SYT13: variants seen among roughly 807,000 people sequenced by gnomAD.
SYT13 encodes the protein synaptotagmin-13.
Under a neutral mutation model 38.6 loss-of-function variants are expected in SYT13, and 21 were observed. That is an observed-to-expected ratio of 0.54 (90% CI 0.39 to 0.78). The LOEUF (loss-of-function observed/expected upper bound fraction) is 0.78. Among genes scored for constraint, SYT13 ranks in the 30% least tolerant of loss-of-function variants. The pLI is 0.00. For missense variants in SYT13, 495 were observed against 548.7 expected (o/e 0.90, Z 0.98); for synonymous variants, 241 against 237.6 (o/e 1.01, Z -0.13).
At position 45,243,420 on chromosome 11, in the gene SYT13, G is replaced by A. The variant is rs1854576122; in HGVS notation, c.*632C>T. 6.6e-6 allele frequency: 1 copy of A among 152,168 alleles called. No homozygotes were observed. The highest frequency in any genetic ancestry group is 1.5e-5 in the Non-Finnish European group (1 of 68,052). 9.4% of individuals were successfully genotyped at this position (152,168 alleles called of 1,614,324 possible). A position where few individuals can be genotyped will look rare whatever the true frequency, so the allele number is the denominator to read the frequency against. ...TGGCCAAAAACCTGTGTGGAATATT[G>A]TAGAAGGAATTTCTCCACATACAGT... On this transcript the variant is annotated 3_prime_UTR_variant, in exon 6 of 6. Coordinates refer to ENST00000020926, the MANE Select transcript of SYT13 (RefSeq NM_020826.3).
chr11:45,265,014 A>C (rs912425671), intron 1 of SYT13, among the ~76,000 whole-genome samples: 2 of 152,256 alleles, frequency 1.3e-5, no homozygotes, highest in African/African-American at 2.4e-5. Flanking sequence ...AAAGGAAAAC[A>C]TGAATCTGCA....
At chr11:45,270,599 C>CGGG (rs1242253868) in intron 1 of SYT13, among the ~76,000 whole-genome samples, 6 of 152,234 alleles carry the variant, frequency 3.9e-5, no homozygotes, top group Non-Finnish European at 8.8e-5. Flanking sequence ...TCAAGGTTAT[C>CGGG]CTTATAATAA....
chr11:45,269,653 C>G, intron 1 of SYT13: 1 of 352,324 alleles, frequency 2.8e-6, no homozygotes, highest in Non-Finnish European at 5.1e-6. Flanking sequence ...GAAACTGAGG[C>G]TCAGAGAGAT....
Position 45,245,588 on chromosome 11 carries a change from G to T in SYT13, c.976+795C>A, listed in dbSNP as rs1012805581. ...TTATTTGTACCCTGCTATAAATAGA[G>T]ACTTATTTATATCTTGCTAGGCGCA... is the stretch of plus-strand genomic sequence containing the variant. On this transcript the variant is annotated intron_variant, in intron 5 of 5. Transcript: ENST00000020926. Among the ~76,000 whole-genome samples the T allele has an allele frequency of 5.9e-5, 9 of 152,214 alleles. No individual in the cohort carries two copies. The East Asian group carries it at 1.7e-3, about 29-fold the overall frequency.
chr11:45,264,207 C>T (rs184850176), intron 1 of SYT13, among the ~76,000 whole-genome samples: 7 of 152,316 alleles, frequency 4.6e-5, no homozygotes, highest in Admixed American at 1.3e-4. Flanking sequence ...AGCATTCTCA[C>T]ATCAGAGCCA....
chr11:45,259,335 A>G (rs975498528), intron 1 of SYT13, among the ~76,000 whole-genome samples: 24 of 152,206 alleles, frequency 1.6e-4, no homozygotes, highest in African/African-American at 5.6e-4. Context: ...CAATCGTCTG[A>G]GAAAAGGGCT....
chr11:45,246,266 G>T, intron 5 of SYT13, 117 bp downstream of exon 5: 1 of 1,417,568 alleles, frequency 7.1e-7, no homozygotes, highest in Non-Finnish European at 9.5e-7. Flanking sequence ...CTCCGTAGAT[G>T]TGCTCATATT....
At position 45,244,058 on chromosome 11, in the gene SYT13, G is replaced by A. The variant is rs757924138; in HGVS notation, c.1275C>T (p.His425=). The stretch of plus-strand genomic sequence containing the variant: ...GAGGCAGCTGGGCAGCTGGTTACAG[G>A]TGCAGCTGGTGCCACATGGCAATCT... ...RRQIAMWHQL[H]L is the part of the protein sequence containing the mutation. Residue 425 remains histidine (H), a synonymous_variant, in exon 6 of 6, where the codon CAC becomes CAT. Coordinates refer to ENST00000020926, the MANE Select transcript of SYT13 (RefSeq NM_020826.3). 155 of 1,597,298 alleles carry A rather than the reference G, an allele frequency of 9.7e-5. No individual in the cohort carries two copies. The highest frequency in any genetic ancestry group is 1.3e-4 in the Non-Finnish European group (149 of 1,174,448).
intron 1 of SYT13, among the ~76,000 whole-genome samples, chr11:45,264,122 G>A (rs571206170): frequency 2.3e-4 from 35 of 152,284 alleles, no homozygotes; most frequent in African/African-American, 8.2e-4. Context: ...TTGAGTGTGA[G>A]CATTACAACA....
At chr11:45,248,683 G>A (rs1196579026) in intron 4 of SYT13, among the ~76,000 whole-genome samples, 3 of 152,202 alleles carry the variant, frequency 2.0e-5, no homozygotes, top group Non-Finnish European at 2.9e-5. Flanking sequence ...CCAGCCTCCT[G>A]GCTCATCACT....
intron 1 of SYT13, among the ~76,000 whole-genome samples, chr11:45,274,923 T>C (rs1854991897): frequency 6.6e-6 from 1 of 152,146 alleles, no homozygotes; most frequent in Non-Finnish European, 1.5e-5. Flanking sequence ...TAAAAAACTC[T>C]CTCTAACGTT....
At chr11:45,244,668 C>G (rs768453241) in intron 5 of SYT13, among the ~76,000 whole-genome samples, 1 of 152,128 alleles carries the variant, frequency 6.6e-6, no homozygotes, top group Non-Finnish European at 1.5e-5. Context: ...GGATTATTCT[C>G]CACTCCCCCA....
At chr11:45,273,971 A>G (rs942833548) in intron 1 of SYT13, among the ~76,000 whole-genome samples, 7 of 152,214 alleles carry the variant, frequency 4.6e-5, no homozygotes, top group Admixed American at 1.3e-4. Context: ...CATCTCATTC[A>G]TTCTTCCATA....
At chr11:45,246,753 C>A (rs1384650860) in intron 4 of SYT13, among the ~76,000 whole-genome samples, 1 of 152,100 alleles carries the variant, frequency 6.6e-6, no homozygotes, top group African/African-American at 2.4e-5. Context: ...TTTTCATATA[C>A]CATATACTCA....
Position 45,252,545 on chromosome 11 carries a change from A to C in SYT13, c.722T>G (p.Leu241Arg). ...GAAGCGGTCGCAGGTCCTCAAGGTC[A>C]GCGTCAGGGTGGCTGTGGGGAGCTC... ...EEELPTATLT[L>R]TLRTCDRFSR... The change falls in exon 4 of 6, where the codon CTG becomes CGG. Residue 241 changes from leucine to arginine, a missense_variant. By Grantham distance (102) the Leu-to-Arg change is moderately radical (BLOSUM62 -2). Transcript: ENST00000020926. This position sits in a 1 kb window ranked among gnomAD's most constrained non-coding sequence, Gnocchi z 4.3. The C allele has an allele frequency of 6.2e-7, 1 of 1,614,102 alleles. No homozygotes were observed.
intron 1 of SYT13, among the ~76,000 whole-genome samples, chr11:45,281,901 G>A (rs1244260014): frequency 6.6e-6 from 1 of 152,196 alleles, no homozygotes; most frequent in Non-Finnish European, 1.5e-5. Context: ...CTGCCAAATG[G>A]TAGGGGTACA....
chr11:45,251,477 G>A (rs1343159854), intron 4 of SYT13, among the ~76,000 whole-genome samples: 2 of 151,704 alleles, frequency 1.3e-5, no homozygotes, highest in Non-Finnish European at 2.9e-5. Context: ...TCTGGAAAGG[G>A]GCTAATATAA....
At chr11:45,272,796 T>C (rs1159510965) in intron 1 of SYT13, among the ~76,000 whole-genome samples, 1 of 152,166 alleles carries the variant, frequency 6.6e-6, no homozygotes, top group African/African-American at 2.4e-5. Context: ...TGCAGGTGTG[T>C]CTGTTTGGCA....
chr11:45,266,238 A>G (rs757227574), intron 1 of SYT13, among the ~76,000 whole-genome samples: 17 of 152,130 alleles, frequency 1.1e-4, no homozygotes, highest in Non-Finnish European at 1.9e-4. Flanking sequence ...TCTCTAAACC[A>G]GTATTTCTCA....
Sources: gnomAD v4.1 joint callset for allele counts (sites outside exome capture counted in the v4.1 genomes callset) on GRCh38, gnomAD v4.1.1 for gene constraint, Gnocchi (gnomAD v3.1) non-coding constraint, MANE v1.5 for transcripts, NCBI Gene and HGNC (gene_info 2026-07-23, HGNC 2026-07-21) for gene names.